Variants in RBMS3 observed in about 807,000 individuals in gnomAD.
RBMS3 encodes RNA binding motif single stranded interacting protein 3.
In RBMS3, 27 loss-of-function variants were observed where a neutral mutation model predicts 66.8. That is an observed-to-expected ratio of 0.40 (90% CI 0.30 to 0.56). The LOEUF (loss-of-function observed/expected upper bound fraction) is 0.56, where lower values mean the gene tolerates loss of function less well. Among genes scored for constraint, RBMS3 ranks in the 20% least tolerant of loss-of-function variants. RBMS3 has a pLI of 0.40. For missense variants in RBMS3, 513 were observed against 549.5 expected, an observed-to-expected ratio of 0.93 and a Z score of 0.66; for synonymous variants, 188 against 183.0, an observed-to-expected ratio of 1.03 and a Z score of -0.22.
chr3:29,689,933 A>G (rs1459682162), intron 4 of RBMS3, among the ~76,000 whole-genome samples: 1 of 115,494 alleles, frequency 8.7e-6, no homozygotes, highest in African/African-American at 3.1e-5. Flanking sequence ...AAAAAAAAAA[A>G]AAAAAAAAAA....
At chr3:29,943,622 C>T (rs2061442365) in intron 11 of RBMS3, among the ~76,000 whole-genome samples, 1 of 151,742 alleles carries the variant, frequency 6.6e-6, no homozygotes, top group South Asian at 2.1e-4. Context: ...TCTCTGCTCC[C>T]ACAGTTACAA....
At chr3:29,876,380 G>GAA (rs200022992) in intron 7 of RBMS3, among the ~76,000 whole-genome samples, 1 of 149,910 alleles carries the variant, frequency 6.7e-6, no homozygotes, top group African/African-American at 2.4e-5. Context: ...AACAAAATAG[G>GAA]AAAAAAAAAG....
At chr3:29,893,615 A>G (rs1277390416) in intron 8 of RBMS3, among the ~76,000 whole-genome samples, 2 of 151,528 alleles carry the variant, frequency 1.3e-5, no homozygotes, top group African/African-American at 2.4e-5. Context: ...TCACTGCCTT[A>G]CAAATAAGAT....
At chr3:29,327,291 G>A (rs1033161577) in intron 1 of RBMS3, among the ~76,000 whole-genome samples, 14 of 152,278 alleles carry the variant, frequency 9.2e-5, no homozygotes, top group Non-Finnish European at 1.9e-4. Flanking sequence ...AAGGCAATAT[G>A]CTACTAAGAA....
intron 3 of RBMS3, among the ~76,000 whole-genome samples, chr3:29,516,126 G>A (rs2044609037): frequency 6.6e-6 from 1 of 152,208 alleles, no homozygotes; most frequent in South Asian, 2.1e-4. Flanking sequence ...AGGCTGGGAA[G>A]GGGATTGATC....
At chr3:29,585,796 C>G (rs2047499216) in intron 3 of RBMS3, among the ~76,000 whole-genome samples, 1 of 152,158 alleles carries the variant, frequency 6.6e-6, no homozygotes, top group South Asian at 2.1e-4. Context: ...ACTTACAGAA[C>G]AGGCTTCCTT....
intron 6 of RBMS3, among the ~76,000 whole-genome samples, chr3:29,772,648 G>A (rs1477508916): frequency 6.6e-6 from 1 of 151,942 alleles, no homozygotes; most frequent in Non-Finnish European, 1.5e-5. Flanking sequence ...TAGGAGGTCG[G>A]TGGTTGGAAA....
chr3:29,506,802 T>A (rs2044198068), intron 3 of RBMS3, among the ~76,000 whole-genome samples: 1 of 151,898 alleles, frequency 6.6e-6, no homozygotes. Flanking sequence ...GTCTTGGTTT[T>A]TATGTTTTAG....
intron 3 of RBMS3, among the ~76,000 whole-genome samples, chr3:29,559,009 A>G (rs950138130): frequency 6.6e-6 from 1 of 152,196 alleles, no homozygotes; most frequent in Non-Finnish European, 1.5e-5. Context: ...ACAATCACAC[A>G]ATATTGCATA....
intron 3 of RBMS3, among the ~76,000 whole-genome samples, chr3:29,496,362 A>C (rs1456489841): frequency 6.6e-6 from 1 of 152,166 alleles, no homozygotes; most frequent in Non-Finnish European, 1.5e-5. Flanking sequence ...GGTCATCAAT[A>C]TATAAACTTG....
chr3:29,587,947 G>A (rs920916152), intron 4 of RBMS3, among the ~76,000 whole-genome samples: 2 of 151,904 alleles, frequency 1.3e-5, no homozygotes. Context: ...GATTGCAGTG[G>A]TGGTTACAAG....
In RBMS3 at chr3:29,350,221, T is replaced by A. The variant is rs967609667; in HGVS notation, c.75+68465T>A. 5.9e-5 allele frequency among the ~76,000 whole-genome samples: 9 copies of A among 152,282 alleles called. No homozygotes were observed. The South Asian group carries it at 6.2e-4, about 11-fold the overall frequency. Reference sequence around the variant, plus strand: ...ACATTTTTGAAAGTTAGGGATTTTTTAAAAAACTGTCATTATAAAATTATG... The same window carrying A: ...ACATTTTTGAAAGTTAGGGATTTTTAAAAAAACTGTCATTATAAAATTATG... On this transcript the variant is annotated intron_variant, in intron 1 of 14. Transcript: ENST00000383767.
In RBMS3 at chr3:29,723,113, T is replaced by A. The variant is rs143538219; in HGVS notation, c.400-16607T>A. Among the ~76,000 whole-genome samples the A allele has an allele frequency of 1.3e-3, 198 of 151,988 alleles. 1 individual carries two copies. The highest frequency in any genetic ancestry group is 4.5e-3 in the African/African-American group (188 of 41,454). On this transcript the variant is annotated intron_variant, in intron 4 of 14. Transcript: ENST00000383767. ...GCCTCATCCTCCTGAATGGCTGGGA[T>A]TACAGGCGCACATCCCCACGCCTGG...
chr3:29,389,076 T>C (rs573977263), intron 1 of RBMS3, among the ~76,000 whole-genome samples: 6 of 152,258 alleles, frequency 3.9e-5, no homozygotes, highest in African/African-American at 9.6e-5. Context: ...TTAGGAAAAA[T>C]AGTGAAGACA....
chr3:29,435,357 T>C lies in RBMS3; in HGVS notation c.248+442T>C, dbSNP rs559219528. ...GCTTTTCTGGCCAGTGCTTGGTAAA[T>C]GTCCGTTCAGCCAGGACCATGTATT... On this transcript the variant is annotated intron_variant, in intron 2 of 14. Coordinates refer to ENST00000383767, the MANE Select transcript of RBMS3 (RefSeq NM_001003793.3). 2.0e-5 allele frequency among the ~76,000 whole-genome samples: 3 copies of C among 152,286 alleles called. No individual in the cohort carries two copies. In the South Asian group the frequency reaches 6.2e-4, roughly 32 times the overall value.
At chr3:29,502,407 A>AT (rs2044008785) in intron 3 of RBMS3, among the ~76,000 whole-genome samples, 2 of 152,108 alleles carry the variant, frequency 1.3e-5, no homozygotes, top group Non-Finnish European at 2.9e-5. Flanking sequence ...CCAATAAGTA[A>AT]GACTAGAAGT....
intron 4 of RBMS3, among the ~76,000 whole-genome samples, chr3:29,655,943 A>G (rs2149220308): frequency 1.0e-5 from 1 of 97,464 alleles, no homozygotes; most frequent in East Asian, 2.4e-4. Flanking sequence ...CAGCTTAAAA[A>G]GCAAAAAAAA....
intron 14 of RBMS3, among the ~76,000 whole-genome samples, chr3:29,998,495 A>T (rs1214854335): frequency 1.3e-5 from 2 of 152,230 alleles, no homozygotes; most frequent in Admixed American, 1.3e-4. Context: ...TGGAGGCATC[A>T]CGCTACCTGA....
At chr3:29,971,082 C>A (rs574513375) in intron 12 of RBMS3, among the ~76,000 whole-genome samples, 2 of 151,748 alleles carry the variant, frequency 1.3e-5, no homozygotes, top group Admixed American at 1.3e-4. Context: ...TTCTCCAGCT[C>A]CTCCAGTGTC....
Sources: gnomAD v4.1 joint callset for allele counts (sites outside exome capture counted in the v4.1 genomes callset) on GRCh38, gnomAD v4.1.1 for gene constraint, MANE v1.5 for transcripts, NCBI Gene and HGNC (gene_info 2026-07-23, HGNC 2026-07-21) for gene names.